The following HLTF variants were observed in gnomAD, a reference collection of about 807,000 sequenced individuals.
HLTF encodes the protein helicase like transcription factor.
In HLTF, 127 loss-of-function variants were observed where a neutral mutation model predicts 129.4. The ratio of observed to expected loss-of-function variants is 0.98; its 90% CI spans 0.85 to 1.14. HLTF has a LOEUF of 1.14. HLTF is among the 50% of genes most tolerant of loss of function. The pLI, the probability that HLTF is intolerant of heterozygous loss-of-function variation, is 0.00. For missense variants in HLTF, 1,139 were observed against 1,187.1 expected, an observed-to-expected ratio of 0.96 and a Z score of 0.60; for synonymous variants, 332 against 388.8, an observed-to-expected ratio of 0.85 and a Z score of 1.72.
chr3:149,030,500 G>GT lies in HLTF; in HGVS notation c.*1719dup, dbSNP rs1407792542. On this transcript the variant is annotated 3_prime_UTR_variant, in exon 25 of 25. Coordinates refer to ENST00000310053, the MANE Select transcript of HLTF (RefSeq NM_003071.4). ...TGTCCTCCCTTTACCTTCATAGTGA[G>GT]TTTGTAAGGCTTTGTCTTTGTAAGC... is the stretch of plus-strand genomic sequence containing the variant. The GT allele has an allele frequency of 8.5e-5, 13 of 152,278 alleles. No individual in the cohort carries two copies. The highest frequency in any genetic ancestry group is 3.1e-4 in the African/African-American group (13 of 41,572). The allele number at this position is 152,278 out of a possible 1,614,324, so 9.4% of individuals were successfully genotyped here.
chr3:149,086,209 C>T (rs965882858), intron 1 of HLTF, 108 bp downstream of exon 1: 2 of 1,157,464 alleles, frequency 1.7e-6, no homozygotes, highest in African/African-American at 3.0e-5. Context: ...ACGAATACAG[C>T]TGCACAAATC....
At chr3:149,051,092 A>G (rs2107992029) in intron 14 of HLTF, among the ~76,000 whole-genome samples, 1 of 152,258 alleles carries the variant, frequency 6.6e-6, no homozygotes, top group Middle Eastern at 3.4e-3. Flanking sequence ...TGGAAAGGAC[A>G]GGTGTGAAAA....
intron 18 of HLTF, among the ~76,000 whole-genome samples, chr3:149,044,529 G>A (rs1716381460): frequency 6.6e-6 from 1 of 151,866 alleles, no homozygotes. Flanking sequence ...CACTCCCTTG[G>A]TGATCTCATG....
chr3:149,042,343 C>A, intron 18 of HLTF, 53 bp from the exon 19 acceptor site: 1 of 1,472,402 alleles, frequency 6.8e-7, no homozygotes, highest in South Asian at 1.2e-5. Flanking sequence ...TAATAACTTC[C>A]TATTCTAAAA....
chr3:149,041,633 T>C lies in HLTF; in HGVS notation c.2233A>G (p.Ile745Val). The C allele has an allele frequency of 1.2e-6, 2 of 1,612,532 alleles. No homozygotes were observed. The highest frequency in any genetic ancestry group is 1.1e-5 in the South Asian group (1 of 90,974). Residue 745 changes from isoleucine (I) to valine (V), a missense_variant, in exon 20 of 25, where the codon ATA (isoleucine) becomes GTA (valine). Physicochemically the swap from Ile to Val is conservative, Grantham distance 29 (BLOSUM62 3). Transcript: ENST00000310053. ...CTCAGAATTAACTTCATCTTCCTTA[T>C]TAACTTCTTTCTCAGTTCTTCAGGT... ...DTPEELRKKLIRKMKLILSSG... is the reference protein window; with the variant it reads ...DTPEELRKKLVRKMKLILSSG...
At chr3:149,051,140 AATGAAAT>A (rs1243781240) in intron 14 of HLTF, among the ~76,000 whole-genome samples, 1 of 151,976 alleles carries the variant, frequency 6.6e-6, no homozygotes. Flanking sequence ...CTTGGGGACT[AATGAAAT>A]ATGAAATATG....
chr3:149,071,455 A>G lies in HLTF; in HGVS notation c.703-12T>C. 2 of 1,601,288 alleles carry G rather than the reference A, an allele frequency of 1.2e-6. No individual in the cohort carries two copies. The highest frequency in any genetic ancestry group is 1.7e-6 in the Non-Finnish European group (2 of 1,171,390). On this transcript the variant is annotated splice_polypyrimidine_tract_variant and intron_variant, in intron 6 of 24. Transcript: ENST00000310053. ...GGTGTTTCAATAGCCTATAAATAAA[A>G]AGTCATAAAGCGAAATACATTAAGC...
At chr3:149,038,912 TTTG>T (rs1389958475) in intron 23 of HLTF, 134 bp downstream of exon 23, 12 of 525,886 alleles carry the variant, frequency 2.3e-5, no homozygotes, top group Non-Finnish European at 3.9e-5. Context: ...TTACTAAGTT[TTTG>T]TTATTTATTT....
intron 14 of HLTF, among the ~76,000 whole-genome samples, chr3:149,052,375 G>A (rs961311789): frequency 6.6e-5 from 10 of 151,864 alleles, no homozygotes; most frequent in Admixed American, 3.9e-4. Flanking sequence ...AATATAAAGG[G>A]TAAAGGCCTG....
chr3:149,071,626 T>A lies in HLTF; in HGVS notation c.659A>T (p.Asp220Val), dbSNP rs1718871433. 6.3e-7 allele frequency: 1 copy of A among 1,595,490 alleles called. No individual in the cohort carries two copies. The change falls in exon 6 of 25, where the codon GAT becomes GTT. Residue 220 changes from aspartate (D) to valine (V), a missense_variant. By Grantham distance (152) the Asp-to-Val change is radical. Coordinates refer to ENST00000310053, the MANE Select transcript of HLTF (RefSeq NM_003071.4). Reference protein sequence around the residue: ...LKTEFDKLFEDLKEDDKTHEM... With the variant: ...LKTEFDKLFEVLKEDDKTHEM... Reference sequence around the variant, plus strand: ...ATGGGTTTTATCATCTTCTTTTAAATCTTCAAACAATTTGTCAAATTCTGT... The same window carrying A: ...ATGGGTTTTATCATCTTCTTTTAAAACTTCAAACAATTTGTCAAATTCTGT...
At chr3:149,083,600 T>C (rs1209211565) in intron 2 of HLTF, 1 of 151,804 alleles carries the variant, frequency 6.6e-6, no homozygotes, top group East Asian at 1.9e-4. Flanking sequence ...AGATGTGAAA[T>C]AAGAACTGAT....
intron 24 of HLTF, 146 bp downstream of exon 24, chr3:149,034,772 T>G (rs1715426461): frequency 1.6e-6 from 1 of 620,276 alleles, no homozygotes; most frequent in Non-Finnish European, 2.9e-6. Flanking sequence ...ACAGCATATA[T>G]TAAATTATTG....
chr3:149,080,952 G>A (rs1279522599), intron 2 of HLTF, among the ~76,000 whole-genome samples: 1 of 152,138 alleles, frequency 6.6e-6, no homozygotes, highest in African/African-American at 2.4e-5. Context: ...TGTTCCACAA[G>A]ATTATAATGG....
rs1716706214 is a variant in HLTF, at chr3:149,048,134, A to G, written c.1786T>C (p.Leu596=). ...GTPIQNSLKD[L]WSLLSFLKLK... is the part of the protein sequence containing the mutation. ...TTTAAAAAGGAAAGAAGAGACCACA[A>G]GTCCTTTAAAGAATTCTGGATTGGA... The change falls in exon 17 of 25, where the codon TTG becomes CTG. Residue 596 remains leucine, a synonymous_variant. Transcript: ENST00000310053. 10 of 1,609,342 alleles carry G rather than the reference A, an allele frequency of 6.2e-6. No homozygotes were observed. The highest frequency in any genetic ancestry group is 8.5e-6 in the Non-Finnish European group (10 of 1,178,308).
intron 2 of HLTF, among the ~76,000 whole-genome samples, chr3:149,077,527 T>A (rs192073396): frequency 6.6e-5 from 10 of 152,020 alleles, no homozygotes; most frequent in Admixed American, 6.6e-4. Context: ...TGTTTTAACT[T>A]CATGGCTACC....
At chr3:149,079,973 C>T (rs1320954728) in intron 2 of HLTF, among the ~76,000 whole-genome samples, 1 of 151,934 alleles carries the variant, frequency 6.6e-6, no homozygotes, top group Non-Finnish European at 1.5e-5. Flanking sequence ...TAATTGTAAT[C>T]CCTAAAGCAA....
chr3:149,037,784 G>T (rs6809084), intron 23 of HLTF, among the ~76,000 whole-genome samples: 24,503 of 152,028 alleles, frequency 0.16, 2,151 homozygotes, highest in East Asian at 0.23. Context: ...AACAGCAGAG[G>T]GTTGCCTTTA....
At chr3:149,043,460 AG>A (rs1559858666) in intron 18 of HLTF, among the ~76,000 whole-genome samples, 1 of 150,568 alleles carries the variant, frequency 6.6e-6, no homozygotes, top group East Asian at 2.0e-4. Flanking sequence ...AGGAAAGAGA[AG>A]GGGGGAAAAG....
chr3:149,052,729 T>C (rs1717097847), intron 14 of HLTF, among the ~76,000 whole-genome samples: 1 of 152,146 alleles, frequency 6.6e-6, no homozygotes, highest in South Asian at 2.1e-4. Context: ...GAATTTCTTA[T>C]AGAAATTTGG....
Sources: allele counts gnomAD v4.1 joint callset (sites outside exome capture counted in the v4.1 genomes callset), GRCh38; gene constraint gnomAD v4.1.1; transcripts MANE v1.5; gene names NCBI Gene and HGNC (gene_info 2026-07-23, HGNC 2026-07-21).